GTF3C1: variants seen among roughly 807,000 people sequenced by gnomAD.
The protein encoded by GTF3C1 is general transcription factor 3C polypeptide 1.
GTF3C1 carries 57 observed loss-of-function variants against 226.7 expected under a neutral mutation model. The observed-to-expected ratio is 0.25, with a 90% CI of 0.20 to 0.31. The LOEUF is 0.31. Among genes scored for constraint, GTF3C1 ranks in the 10% least tolerant of loss-of-function variants. The pLI is 1.00. For synonymous variants in GTF3C1, 1,090 were observed against 1,084.8 expected (o/e 1.00, Z -0.09); for missense variants, 2,217 against 2,776.1 (o/e 0.80, Z 4.53).
Position 27,488,393 on chromosome 16 carries a change from C to A in GTF3C1, c.3534G>T (p.Trp1178Cys), listed in dbSNP as rs200237368. Residue 1178 changes from tryptophan (W) to cysteine (C), a missense_variant, in exon 23 of 37, where the codon TGG becomes TGT. Physicochemically the swap from Trp to Cys is radical, Grantham distance 215. Coordinates refer to ENST00000356183, the MANE Select transcript of GTF3C1 (RefSeq NM_001520.4). The stretch of plus-strand genomic sequence containing the variant: ...GCTCGGAGCCTACTCTTGCTTCCCC[C>A]CAAATATTCAACCTGCTGTTGCCTA... ...SARGNSRLNI[W>C]GEARVGSELC... 1.9e-6 allele frequency: 3 copies of A among 1,612,976 alleles called. No individual in the cohort carries two copies. The highest frequency in any genetic ancestry group is 1.7e-6 in the Non-Finnish European group (2 of 1,179,074).
At chr16:27,502,718 G>A (rs904307688) in intron 11 of GTF3C1, 141 bp downstream of exon 11, 22 of 848,240 alleles carry the variant, frequency 2.6e-5, no homozygotes, top group Middle Eastern at 2.4e-4. Context: ...CCTCCCTACC[G>A]CAAAGGAACG....
intron 10 of GTF3C1, 117 bp downstream of exon 10, chr16:27,505,782 G>A: frequency 2.9e-6 from 2 of 684,332 alleles, no homozygotes; most frequent in Non-Finnish European, 5.2e-6. Flanking sequence ...GCAGGCCTCG[G>A]CACGCAGCAC....
intron 24 of GTF3C1, among the ~76,000 whole-genome samples, chr16:27,485,162 T>C (rs2088118800): frequency 6.6e-6 from 1 of 152,214 alleles, no homozygotes; most frequent in Non-Finnish European, 1.5e-5. Flanking sequence ...GGACAAGCGG[T>C]CAAGACAAGG....
At position 27,494,926 on chromosome 16, in the gene GTF3C1, G is replaced by A. The variant is rs759083372; in HGVS notation, c.2633-18C>T. ...GACATACACTAGGAAAAAAACGCAC[G>A]GTTACCCCCGGCAGCCAGGATACCA... is the stretch of plus-strand genomic sequence containing the variant. On this transcript the variant is annotated intron_variant, in intron 15 of 36. Transcript: ENST00000356183. The A allele has an allele frequency of 1.1e-5, 17 of 1,608,142 alleles. No homozygotes were observed. In the South Asian group the frequency reaches 1.2e-4, roughly 11 times the overall value.
chr16:27,461,315 C>A lies in GTF3C1; in HGVS notation c.*35G>T, dbSNP rs1461525395. On this transcript the variant is annotated 3_prime_UTR_variant, in exon 37 of 37. Coordinates refer to ENST00000356183, the MANE Select transcript of GTF3C1 (RefSeq NM_001520.4). This position sits in a 1 kb window ranked among gnomAD's most constrained non-coding sequence, Gnocchi z 5.3. Reference sequence around the variant, plus strand: ...CACCAGGCAGGAGTGGTGTGGCAGGCGGTGGCTGGGAGGGAGGGGACGCCC... The same window carrying A: ...CACCAGGCAGGAGTGGTGTGGCAGGAGGTGGCTGGGAGGGAGGGGACGCCC... 1 of 1,368,838 alleles carries A rather than the reference C, an allele frequency of 7.3e-7. No homozygotes were observed. Among genetic ancestry groups the A allele is most frequent in the Non-Finnish European group, 1.0e-6 (1 of 971,224 alleles). The allele number at this position is 1,368,838 out of a possible 1,614,324, so 84.8% of individuals were successfully genotyped here. A position where few individuals can be genotyped will look rare whatever the true frequency, so the allele number is the denominator to read the frequency against.
chr16:27,514,105 A>T (rs1343375403), intron 6 of GTF3C1, among the ~76,000 whole-genome samples: 1 of 152,222 alleles, frequency 6.6e-6, no homozygotes, highest in Non-Finnish European at 1.5e-5. Flanking sequence ...CTAGGGCAAG[A>T]GGCCAGCAGA....
rs1424986372 is a variant in GTF3C1, at chr16:27,460,705, AAAAC to A, written c.*641_*644del. 3.3e-5 allele frequency: 5 copies of A among 152,368 alleles called. 1 individual carries two copies. Among genetic ancestry groups the A allele is most frequent in the Middle Eastern group, 6.8e-3 (2 of 294 alleles). 9.4% of individuals were successfully genotyped at this position (152,368 alleles called of 1,614,324 possible). On this transcript the variant is annotated 3_prime_UTR_variant, in exon 37 of 37. Coordinates refer to ENST00000356183, the MANE Select transcript of GTF3C1 (RefSeq NM_001520.4). ...AGGAAAAAAGGTGAAAGAACAAAAT[AAAAC>A]AAACAAAACCAAAACCTACAGGGAC...
At position 27,502,884 on chromosome 16, in the gene GTF3C1, G is replaced by C. The variant is rs1365752309; in HGVS notation, c.1882C>G (p.Leu628Val). ...RNLIIEAVTN[L>V]RLIESLFTIQ... ...GTGAATAAACTCTCGATTAAGCGAAGATTGGTGACAGCTTCTATGATCAGA... is the reference window on the plus strand; with the variant it reads ...GTGAATAAACTCTCGATTAAGCGAACATTGGTGACAGCTTCTATGATCAGA... Residue 628 changes from leucine to valine, a missense_variant, in exon 11 of 37, where the codon CTT (leucine) becomes GTT (valine). Around this residue, in one of 12 missense-constraint regions of GTF3C1, gnomAD observed 52 missense variants for 110.8 expected, o/e 0.47. Coordinates refer to ENST00000356183, the MANE Select transcript of GTF3C1 (RefSeq NM_001520.4). The C allele has an allele frequency of 1.9e-6, 3 of 1,601,110 alleles. No individual in the cohort carries two copies. In the East Asian group the frequency reaches 6.7e-5, roughly 36 times the overall value.
Position 27,549,691 on chromosome 16 carries a change from G to A in GTF3C1, c.200C>T (p.Pro67Leu). ...TGACCGGTCCTGGAGCTGTAGGTCG[G>A]GTCGCTCCCGAGGCTCCTCATAGAA... ...ISFYEEPRER[P>L]DLQLQDRYEE... is the part of the protein sequence containing the mutation. Residue 67 changes from proline to leucine, a missense_variant, in exon 1 of 37, where the codon CCC (proline) becomes CTC (leucine). By Grantham distance (98) the Pro-to-Leu change is moderately conservative. Transcript: ENST00000356183. 1.9e-6 allele frequency: 3 copies of A among 1,590,384 alleles called. No individual in the cohort carries two copies. The highest frequency in any genetic ancestry group is 2.6e-6 in the Non-Finnish European group (3 of 1,170,032).
intron 23 of GTF3C1, 150 bp downstream of exon 23, chr16:27,488,077 A>G: frequency 3.2e-6 from 2 of 630,718 alleles, no homozygotes; most frequent in South Asian, 4.8e-5. Context: ...AAATAAAGCA[A>G]CCATCATAGA....
In GTF3C1 at chr16:27,492,500, T is replaced by A; in HGVS notation, c.2989A>T (p.Lys997Ter). 1 of 1,613,076 alleles carries A rather than the reference T, an allele frequency of 6.2e-7. No homozygotes were observed. The highest frequency in any genetic ancestry group is 8.5e-7 in the Non-Finnish European group (1 of 1,179,142). Residue 997 changes from lysine (K) to a stop codon, truncating the protein, a stop_gained, in exon 19 of 37, where the codon AAG (lysine) becomes TAG (stop). Transcript: ENST00000356183. LOFTEE classifies it high-confidence loss of function. The surrounding 1 kb of genome is among the most constrained non-coding windows in gnomAD (Gnocchi z 5.0). ...QDKDQVFIFL[K>*]KNAVIVDTTI... The stretch of plus-strand genomic sequence containing the variant: ...GTGTCAACAATGACTGCATTCTTCT[T>A]CAAGAAGATAAAGACCTAAGGGGAG...
intron 2 of GTF3C1, among the ~76,000 whole-genome samples, chr16:27,542,071 G>A (rs1021396393): frequency 2.0e-5 from 3 of 152,200 alleles, no homozygotes; most frequent in African/African-American, 4.8e-5. Flanking sequence ...CTCCTCTGTG[G>A]GCAGATTTGG....
At chr16:27,533,531 C>G (rs970757201) in intron 4 of GTF3C1, 144 bp from the exon 5 acceptor site, 1 of 618,132 alleles carries the variant, frequency 1.6e-6, no homozygotes, top group Non-Finnish European at 2.9e-6. Flanking sequence ...CAAAGATCAT[C>G]CAGCCCAACT....
rs912256648 is a variant in GTF3C1, at chr16:27,465,526, C to G, written c.5089G>C (p.Glu1697Gln). ...RLRPAAAPLE[E>Q]LTMGTSCLPD... ...AGGCAGGAGGTTCCCATTGTTAGCT[C>G]TTCCAGAGGAGCGGCTGTGGGGACA... is the stretch of plus-strand genomic sequence containing the variant. The change falls in exon 33 of 37, where the codon GAG becomes CAG. Residue 1697 changes from glutamate (E) to glutamine (Q), a missense_variant. Physicochemically the swap from Glu to Gln is conservative, Grantham distance 29. Transcript: ENST00000356183. 6.3e-7 allele frequency: 1 copy of G among 1,599,336 alleles called. No homozygotes were observed.
chr16:27,463,524 C>T lies in GTF3C1; in HGVS notation c.5924+17G>A. 1 of 1,527,470 alleles carries T rather than the reference C, an allele frequency of 6.5e-7. No individual in the cohort carries two copies. The allele number at this position is 1,527,470 out of a possible 1,614,324, so 94.6% of individuals were successfully genotyped here. On this transcript the variant is annotated intron_variant, in intron 35 of 36. Coordinates refer to ENST00000356183, the MANE Select transcript of GTF3C1 (RefSeq NM_001520.4). The surrounding 1 kb of genome is among the most constrained non-coding windows in gnomAD (Gnocchi z 4.9). ...AGAGCCCCGCCCCAGGCCCCGGAGCCAGAACCCCACACCCACCTTTCCCGT... is the reference window on the plus strand; with the variant it reads ...AGAGCCCCGCCCCAGGCCCCGGAGCTAGAACCCCACACCCACCTTTCCCGT...
At chr16:27,522,948 CT>C (rs915220412) in intron 6 of GTF3C1, among the ~76,000 whole-genome samples, 74 of 149,126 alleles carry the variant, frequency 5.0e-4, no homozygotes, top group African/African-American at 1.3e-3. Context: ...TCTTACTGAA[CT>C]TTTTTTTTTA....
At chr16:27,503,260 C>T (rs574123263) in intron 10 of GTF3C1, among the ~76,000 whole-genome samples, 40 of 152,350 alleles carry the variant, frequency 2.6e-4, no homozygotes, top group Non-Finnish European at 4.4e-4. Flanking sequence ...GAGGCATCTA[C>T]TCCAGCAACT....
At position 27,549,733 on chromosome 16, in the gene GTF3C1, G is replaced by A. The variant is rs2089250744; in HGVS notation, c.158C>T (p.Thr53Met). 6.2e-7 allele frequency: 1 copy of A among 1,611,312 alleles called. No individual in the cohort carries two copies. Among genetic ancestry groups the A allele is most frequent in the African/African-American group, 1.3e-5 (1 of 74,894 alleles). ...CTCATAGAAGCTGATGCCCGGGTGC[G>A]TGGCGAGGGCCCGCCAGAGAAACTC... Reference protein sequence around the residue: ...TQEFLWRALATHPGISFYEEP... With the variant: ...TQEFLWRALAMHPGISFYEEP... The change falls in exon 1 of 37, where the codon ACG (threonine) becomes ATG (methionine). Residue 53 changes from threonine to methionine, a missense_variant. Physicochemically the swap from Thr to Met is moderately conservative, Grantham distance 81 (BLOSUM62 -1). Transcript: ENST00000356183.
In GTF3C1 at chr16:27,476,581, C is replaced by T. The variant is rs750409629; in HGVS notation, c.4260-37G>A. 5 of 1,165,538 alleles carry T rather than the reference C, an allele frequency of 4.3e-6. No individual in the cohort carries two copies. In the East Asian group the frequency reaches 7.0e-5, roughly 16 times the overall value. The allele number at this position is 1,165,538 out of a possible 1,614,324, so 72.2% of individuals were successfully genotyped here. A position where few individuals can be genotyped will look rare whatever the true frequency, so the allele number is the denominator to read the frequency against. ...GGGGCAGCAGGGCACCATGAGACCA[C>T]AGGCACTGCTCAGCTCAGGCAGATG... is the stretch of plus-strand genomic sequence containing the variant. On this transcript the variant is annotated intron_variant, in intron 28 of 36. Coordinates refer to ENST00000356183, the MANE Select transcript of GTF3C1 (RefSeq NM_001520.4).
Sources: gnomAD v4.1 joint callset for allele counts (sites outside exome capture counted in the v4.1 genomes callset) on GRCh38, gnomAD v4.1.1 for gene constraint, gnomAD v4.1.1 regional missense constraint, Gnocchi (gnomAD v3.1) non-coding constraint, MANE v1.5 for transcripts, NCBI Gene and HGNC (gene_info 2026-07-23, HGNC 2026-07-21) for gene names.